Variants in SLC33A1 observed in about 807,000 individuals in gnomAD.
SLC33A1 encodes the protein acetyl-coenzyme A transporter 1.
A neutral mutation model predicts 50.0 loss-of-function variants in SLC33A1; 20 were observed. The observed-to-expected ratio is 0.40, with a 90% CI of 0.28 to 0.58. The LOEUF (loss-of-function observed/expected upper bound fraction) is 0.58. Ranked by LOEUF, SLC33A1 falls within the 20% of genes least tolerant of loss-of-function variation. The pLI is 0.44. For missense variants in SLC33A1, 476 were observed against 657.0 expected, an observed-to-expected ratio of 0.72 and a Z score of 3.01; for synonymous variants, 265 against 251.8, an observed-to-expected ratio of 1.05 and a Z score of -0.50.
At chr3:155,847,542 C>T (rs1362132293) in intron 1 of SLC33A1, among the ~76,000 whole-genome samples, 2 of 151,822 alleles carry the variant, frequency 1.3e-5, no homozygotes, top group Admixed American at 6.6e-5. Flanking sequence ...GTCAGGAGTT[C>T]GAGACCAGCC....
chr3:155,851,991 T>C (rs913147576), intron 1 of SLC33A1, among the ~76,000 whole-genome samples: 1 of 152,196 alleles, frequency 6.6e-6, no homozygotes, highest in Non-Finnish European at 1.5e-5. Context: ...ATTTCCAAGG[T>C]AGCACAGAAG....
intron 3 of SLC33A1, 67 bp downstream of exon 3, chr3:155,833,790 T>A: frequency 8.4e-7 from 1 of 1,194,394 alleles, no homozygotes; most frequent in Admixed American, 1.7e-5. Flanking sequence ...GCTCAGATAT[T>A]AGTGGTATTG....
In SLC33A1 at chr3:155,830,130, A is replaced by G. The variant is rs1003232060; in HGVS notation, c.1267-227T>C. 4.1e-4 allele frequency among the ~76,000 whole-genome samples: 62 copies of G among 151,584 alleles called. 1 individual carries two copies. Among genetic ancestry groups the G allele is most frequent in the African/African-American group, 1.4e-3 (56 of 41,334 alleles). On this transcript the variant is annotated intron_variant, in intron 4 of 5. Coordinates refer to ENST00000643144, the MANE Select transcript of SLC33A1 (RefSeq NM_004733.4). ...TGTAATTCCAGCACTTTGGGAGGCC[A>G]AGGCGGGCGGATCACAAGGTCAGGA...
chr3:155,846,685 T>C (rs893363414), intron 1 of SLC33A1, among the ~76,000 whole-genome samples: 2 of 151,054 alleles, frequency 1.3e-5, no homozygotes, highest in African/African-American at 4.9e-5. Flanking sequence ...ACTCCTGACC[T>C]CAGGTGATCC....
intron 1 of SLC33A1, among the ~76,000 whole-genome samples, chr3:155,851,408 A>ATT (rs11299299): frequency 6.9e-6 from 1 of 144,018 alleles, no homozygotes; most frequent in East Asian, 2.0e-4. Context: ...ACACCCAGCT[A>ATT]TTTTTTTTTT....
intron 1 of SLC33A1, among the ~76,000 whole-genome samples, chr3:155,852,312 TAAAAAAAAGA>T (rs973753877): frequency 1.3e-5 from 2 of 151,184 alleles, no homozygotes; most frequent in Admixed American, 1.3e-4. Flanking sequence ...CTATCTCAAT[TAAAAAAAAGA>T]AGAAAAAAGA....
chr3:155,838,094 G>A (rs190771095), intron 2 of SLC33A1, among the ~76,000 whole-genome samples: 39 of 152,016 alleles, frequency 2.6e-4, no homozygotes, highest in East Asian at 1.7e-3. Context: ...ACCTGAGGTC[G>A]GGAGTTCGAG....
Position 155,828,130 on chromosome 3 carries a change from T to C in SLC33A1, c.*80A>G. 1 of 959,642 alleles carries C rather than the reference T, an allele frequency of 1.0e-6. No homozygotes were observed. The highest frequency in any genetic ancestry group is 1.7e-6 in the Non-Finnish European group (1 of 597,732). 59.4% of individuals were successfully genotyped at this position (959,642 alleles called of 1,614,324 possible). On this transcript the variant is annotated 3_prime_UTR_variant, in exon 6 of 6. Transcript: ENST00000643144. ...CGCTGTTTAAAATAATATTTTATAC[T>C]CCTGTGCACTGATTATCATTGCTCT...
chr3:155,854,101 G>A lies in SLC33A1; in HGVS notation c.-104C>T. Reference sequence around the variant, plus strand: ...TGTCGCGCTGGACCAGGGTTTCGGTGGTTCACGGGATGGTGGCAGGGCTCA... The same window carrying A: ...TGTCGCGCTGGACCAGGGTTTCGGTAGTTCACGGGATGGTGGCAGGGCTCA... On this transcript the variant is annotated 5_prime_UTR_variant, in exon 1 of 6. Transcript: ENST00000643144. 1 of 917,774 alleles carries A rather than the reference G, an allele frequency of 1.1e-6. No individual in the cohort carries two copies. Among genetic ancestry groups the A allele is most frequent in the Admixed American group, 3.1e-5 (1 of 32,700 alleles). The allele number at this position is 917,774 out of a possible 1,614,324, so 56.9% of individuals were successfully genotyped here.
At chr3:155,839,293 T>G (rs1281481955) in intron 2 of SLC33A1, among the ~76,000 whole-genome samples, 1 of 44,128 alleles carries the variant, frequency 2.3e-5, no homozygotes. Context: ...CAAGTGAAAC[T>G]CCGCCTCAAA....
Position 155,824,084 on chromosome 3 carries a change from A to T in SLC33A1, c.*4126T>A, listed in dbSNP as rs980551224. 3 of 152,044 alleles carry T rather than the reference A, an allele frequency of 2.0e-5. No individual in the cohort carries two copies. The highest frequency in any genetic ancestry group is 4.4e-5 in the Non-Finnish European group (3 of 68,002). The allele number at this position is 152,044 out of a possible 1,614,324, so 9.4% of individuals were successfully genotyped here. A position where few individuals can be genotyped will look rare whatever the true frequency, so the allele number is the denominator to read the frequency against. ...TCGCTATCTACCAAAGACATTGGTT[A>T]AAAAAAAGTCTCAGCAGTTACAATG... On this transcript the variant is annotated 3_prime_UTR_variant, in exon 6 of 6. Coordinates refer to ENST00000643144, the MANE Select transcript of SLC33A1 (RefSeq NM_004733.4).
chr3:155,854,093 G>C lies in SLC33A1; in HGVS notation c.-96C>G. ...TCCAAGGCTGTCGCGCTGGACCAGGGTTTCGGTGGTTCACGGGATGGTGGC... is the reference window on the plus strand; with the variant it reads ...TCCAAGGCTGTCGCGCTGGACCAGGCTTTCGGTGGTTCACGGGATGGTGGC... On this transcript the variant is annotated 5_prime_UTR_variant, in exon 1 of 6. Transcript: ENST00000643144. 1 of 1,003,738 alleles carries C rather than the reference G, an allele frequency of 1.0e-6. No homozygotes were observed. Among genetic ancestry groups the C allele is most frequent in the Non-Finnish European group, 1.4e-6 (1 of 698,420 alleles). 62.2% of individuals were successfully genotyped at this position (1,003,738 alleles called of 1,614,324 possible). A position where few individuals can be genotyped will look rare whatever the true frequency, so the allele number is the denominator to read the frequency against.
intron 2 of SLC33A1, among the ~76,000 whole-genome samples, chr3:155,840,827 T>C (rs1752905762): frequency 6.6e-6 from 1 of 150,522 alleles, no homozygotes; most frequent in African/African-American, 2.4e-5. Context: ...AATAAACAAA[T>C]ACAAAAAAAT....
chr3:155,837,330 TG>T (rs1424528316), intron 2 of SLC33A1, among the ~76,000 whole-genome samples: 1 of 121,690 alleles, frequency 8.2e-6, no homozygotes, highest in Non-Finnish European at 1.6e-5. Context: ...CACTCCAGCC[TG>T]GGGGACAGAG....
intron 5 of SLC33A1, 25 bp downstream of exon 5, chr3:155,829,663 T>C: frequency 6.7e-7 from 1 of 1,496,104 alleles, no homozygotes; most frequent in South Asian, 1.1e-5. Context: ...TAGCTTAATG[T>C]TATCTAAAAT....
intron 1 of SLC33A1, among the ~76,000 whole-genome samples, chr3:155,843,551 A>G (rs890542742): frequency 6.6e-6 from 1 of 152,188 alleles, no homozygotes; most frequent in Non-Finnish European, 1.5e-5. Flanking sequence ...GGGAGTAAAT[A>G]ATGGTCTGGA....
Position 155,849,587 on chromosome 3 carries a change from GAA to G in SLC33A1, c.775+3634_775+3635del, listed in dbSNP as rs72107048. 6.3e-3 allele frequency among the ~76,000 whole-genome samples: 890 copies of G among 141,268 alleles called. 8 individuals carry two copies. The highest frequency in any genetic ancestry group is 0.018 in the South Asian group (81 of 4,438). The allele number at this position is 141,268 out of a possible 152,430, so 92.7% of individuals were successfully genotyped here. On this transcript the variant is annotated intron_variant, in intron 1 of 5. Transcript: ENST00000643144. ...GCAGAACAAAGTTCAAATTCCACAG[GAA>G]AAAAAAAAAAAGGGGCAATTCAAAA...
chr3:155,837,348 T>G (rs1267814867), intron 2 of SLC33A1, among the ~76,000 whole-genome samples: 2 of 113,366 alleles, frequency 1.8e-5, no homozygotes, highest in African/African-American at 7.5e-5. Context: ...AGAGCGAGAC[T>G]CCGTCTCAAA....
rs952189252 is a variant in SLC33A1 at position 155,823,207 on chromosome 3, A to G, written c.*5003T>C. ...CTGCCTCTTCCAAAACAGAATTCCA[A>G]TAAGGAAAATAAGCTATCCATGCTG... On this transcript the variant is annotated 3_prime_UTR_variant, in exon 6 of 6. Transcript: ENST00000643144. The G allele has an allele frequency of 1.3e-5, 2 of 152,202 alleles. No individual in the cohort carries two copies. Among genetic ancestry groups the G allele is most frequent in the Non-Finnish European group, 2.9e-5 (2 of 68,040 alleles). The allele number at this position is 152,202 out of a possible 1,614,324, so 9.4% of individuals were successfully genotyped here.
Sources: gnomAD v4.1 joint callset for allele counts (sites outside exome capture counted in the v4.1 genomes callset) on GRCh38, gnomAD v4.1.1 for gene constraint, MANE v1.5 for transcripts, NCBI Gene and HGNC (gene_info 2026-07-23, HGNC 2026-07-21) for gene names.